The following SORCS1 variants were observed in gnomAD, a reference collection of about 807,000 sequenced individuals.
The protein encoded by SORCS1 is sortilin related VPS10 domain containing receptor 1.
A neutral mutation model predicts 146.1 loss-of-function variants in SORCS1; 60 were observed. The ratio of observed to expected loss-of-function variants is 0.41; its 90% CI spans 0.33 to 0.51. The LOEUF (loss-of-function observed/expected upper bound fraction) is 0.51. Among genes scored for constraint, SORCS1 ranks in the 20% least tolerant of loss-of-function variants. The pLI, the probability that SORCS1 is intolerant of heterozygous loss-of-function variation, is 0.21. For synonymous variants in SORCS1, 637 were observed against 584.0 expected (o/e 1.09, Z -1.31); for missense variants, 1,352 against 1,487.6 (o/e 0.91, Z 1.50).
chr10:106,971,570 G>A (rs1955788021), intron 1 of SORCS1, among the ~76,000 whole-genome samples: 1 of 152,188 alleles, frequency 6.6e-6, no homozygotes, highest in South Asian at 2.1e-4. Context: ...GAAAGCTTAG[G>A]CTGATTAAAG....
At chr10:107,028,435 T>C (rs932136602) in intron 1 of SORCS1, among the ~76,000 whole-genome samples, 1 of 152,228 alleles carries the variant, frequency 6.6e-6, no homozygotes, top group African/African-American at 2.4e-5. Context: ...CTCTGTTTTC[T>C]TATCTGTAAA....
At chr10:107,071,196 C>T (rs554446549) in intron 1 of SORCS1, among the ~76,000 whole-genome samples, 10 of 141,838 alleles carry the variant, frequency 7.1e-5, no homozygotes, top group Admixed American at 5.6e-4. Flanking sequence ...CCAGCCTTTA[C>T]GGCAGAAAAA....
At position 106,629,335 on chromosome 10, in the gene SORCS1, C is replaced by T. The variant is rs200922338; in HGVS notation, c.2529G>A (p.Val843=). 94 of 1,614,194 alleles carry T rather than the reference C, an allele frequency of 5.8e-5. 1 individual carries two copies. The East Asian group carries it at 1.8e-3, about 31-fold the overall frequency. ...CCATGGAGCTGAGATTGACGTAAGA[C>T]ACCGCGATACCATCGCCAAAGTCCA... ...IQVDFGDGIA[V]SYVNLSSMED... The change falls in exon 19 of 26, where the codon GTG becomes GTA. Residue 843 remains valine, a synonymous_variant. Coordinates refer to ENST00000263054, the MANE Select transcript of SORCS1 (RefSeq NM_052918.5).
At position 107,164,068 on chromosome 10, in the gene SORCS1, G is replaced by A. The variant is rs2134959759; in HGVS notation, c.459C>T (p.Phe153=). The change falls in exon 1 of 26, where the codon TTC becomes TTT. Residue 153 remains phenylalanine, a synonymous_variant. Coordinates refer to ENST00000263054, the MANE Select transcript of SORCS1 (RefSeq NM_052918.5). This position sits in a 1 kb window ranked among gnomAD's most constrained non-coding sequence, Gnocchi z 6.8. Reference sequence around the variant, plus strand: ...TGGTCAGTCTCAGCTCCTCCATCCGGAAGCGGGTGGCTTTGTCCGGGTCCC... The same window carrying A: ...TGGTCAGTCTCAGCTCCTCCATCCGAAAGCGGGTGGCTTTGTCCGGGTCCC... ...RERDPDKATR[F]RMEELRLTST... The A allele has an allele frequency of 6.2e-7, 1 of 1,613,990 alleles. No homozygotes were observed. Among genetic ancestry groups the A allele is most frequent in the Non-Finnish European group, 8.5e-7 (1 of 1,180,014 alleles).
intron 12 of SORCS1, among the ~76,000 whole-genome samples, chr10:106,678,799 T>A (rs939343765): frequency 6.6e-6 from 1 of 152,190 alleles, no homozygotes; most frequent in Non-Finnish European, 1.5e-5. Context: ...GATTTAAACA[T>A]CTCAGAACAC....
At chr10:106,763,450 C>T (rs1203484273) in intron 4 of SORCS1, among the ~76,000 whole-genome samples, 1 of 152,122 alleles carries the variant, frequency 6.6e-6, no homozygotes, top group Non-Finnish European at 1.5e-5. Context: ...GGTGGGTATA[C>T]AAAACAATCC....
In SORCS1 at chr10:106,960,787, C is replaced by T. The variant is rs1399240671; in HGVS notation, c.559-4207G>A. 6.6e-6 allele frequency among the ~76,000 whole-genome samples: 1 copy of T among 152,114 alleles called. No individual in the cohort carries two copies. Among genetic ancestry groups the T allele is most frequent in the Non-Finnish European group, 1.5e-5 (1 of 68,032 alleles). On this transcript the variant is annotated intron_variant, in intron 1 of 25. Transcript: ENST00000263054. This position sits in a 1 kb window ranked among gnomAD's most constrained non-coding sequence, Gnocchi z 4.4. ...CATTCCTTGGAGGGTAGAAGGGTGC[C>T]AGAAACAGTGCCAGGTCAGGTTCTG...
intron 1 of SORCS1, among the ~76,000 whole-genome samples, chr10:107,015,067 GCTAC>G (rs1165230365): frequency 3.3e-5 from 5 of 152,280 alleles, no homozygotes; most frequent in African/African-American, 9.6e-5. Context: ...CTCTAGGGCA[GCTAC>G]AACCTTTCAC....
intron 1 of SORCS1, among the ~76,000 whole-genome samples, chr10:107,049,068 A>G (rs1441038374): frequency 6.6e-6 from 1 of 151,652 alleles, no homozygotes; most frequent in Non-Finnish European, 1.5e-5. Flanking sequence ...CATATACACC[A>G]TGGAATACTA....
rs188654397 is a variant in SORCS1 at position 106,698,026 on chromosome 10, A to G, written c.1413+1188T>C. ...GAAAAAGTTTGCAATGCATTTTTCT[A>G]AACATATACACATAAACTAGACCCT... On this transcript the variant is annotated intron_variant, in intron 9 of 25. Coordinates refer to ENST00000263054, the MANE Select transcript of SORCS1 (RefSeq NM_052918.5). Among the ~76,000 whole-genome samples, 42 of 152,354 alleles carry G rather than the reference A, an allele frequency of 2.8e-4. No homozygotes were observed. The East Asian group carries it at 8.1e-3, about 29-fold the overall frequency.
intron 10 of SORCS1, among the ~76,000 whole-genome samples, chr10:106,686,387 C>T (rs1852840774): frequency 6.6e-6 from 1 of 152,166 alleles, no homozygotes; most frequent in Non-Finnish European, 1.5e-5. Flanking sequence ...GCCAGAGTCC[C>T]CAGGCAAGCC....
At chr10:107,087,980 G>A (rs1963885057) in intron 1 of SORCS1, among the ~76,000 whole-genome samples, 1 of 152,192 alleles carries the variant, frequency 6.6e-6, no homozygotes, top group African/African-American at 2.4e-5. Context: ...GCACAGTGGC[G>A]TGATCTCGGC....
At chr10:106,986,821 TTTCATGAGAGTTGCCAC>T (rs956438666) in intron 1 of SORCS1, among the ~76,000 whole-genome samples, 2 of 152,204 alleles carry the variant, frequency 1.3e-5, no homozygotes, top group African/African-American at 2.4e-5. Flanking sequence ...ATTTTGCTTT[TTTCATGAGAGTTGCCAC>T]TTCTCTTCTG....
At chr10:106,764,379 G>C (rs1287637104) in intron 4 of SORCS1, among the ~76,000 whole-genome samples, 1 of 152,216 alleles carries the variant, frequency 6.6e-6, no homozygotes, top group Non-Finnish European at 1.5e-5. Flanking sequence ...CCTCCACAAA[G>C]AAGGGAATGG....
intron 2 of SORCS1, among the ~76,000 whole-genome samples, chr10:106,883,850 A>C (rs1950898629): frequency 6.6e-6 from 1 of 152,214 alleles, no homozygotes; most frequent in East Asian, 1.9e-4. Context: ...TTGACCTTTC[A>C]TACAGTGTCA....
intron 1 of SORCS1, among the ~76,000 whole-genome samples, chr10:107,057,069 G>A (rs1410000139): frequency 6.6e-6 from 1 of 152,110 alleles, no homozygotes; most frequent in East Asian, 1.9e-4. Context: ...TGTCCTGAAT[G>A]TTATCACTAA....
chr10:106,986,511 CGTGTGTGTGTGTGTGTGTGTGTGTGT>C (rs58888609), intron 1 of SORCS1, among the ~76,000 whole-genome samples: 1 of 148,312 alleles, frequency 6.7e-6, no homozygotes, highest in African/African-American at 2.5e-5. Flanking sequence ...TATATACAAC[CGTGTGTGTGTGTGTGTGTGTGTGTGT>C]GTGTGTGTGT....
chr10:107,031,317 AG>A (rs1478196481), intron 1 of SORCS1, among the ~76,000 whole-genome samples: 1 of 144,534 alleles, frequency 6.9e-6, no homozygotes, highest in East Asian at 1.9e-4. Context: ...AACCCTTGCC[AG>A]ATTTTTTTTT....
At chr10:106,736,596 C>T (rs1341535265) in intron 5 of SORCS1, among the ~76,000 whole-genome samples, 5 of 1,738 alleles carry the variant, frequency 2.9e-3, no homozygotes, top group African/African-American at 1.7e-3. Flanking sequence ...TCAAGATAAC[C>T]CTGGTTAAAA....
Sources: gnomAD v4.1 joint callset for allele counts (sites outside exome capture counted in the v4.1 genomes callset) on GRCh38, gnomAD v4.1.1 for gene constraint, Gnocchi (gnomAD v3.1) non-coding constraint, MANE v1.5 for transcripts, NCBI Gene and HGNC (gene_info 2026-07-23, HGNC 2026-07-21) for gene names.